The following ZNF362 variants were observed in gnomAD, a reference collection of about 807,000 sequenced individuals.
The protein encoded by ZNF362 is rotund homolog.
Under a neutral mutation model 42.9 loss-of-function variants are expected in ZNF362, and 11 were observed. The ratio of observed to expected loss-of-function variants is 0.26; its 90% CI spans 0.16 to 0.42. The LOEUF is 0.42. Among genes scored for constraint, ZNF362 ranks in the 20% least tolerant of loss-of-function variants. The pLI is 1.00. For missense variants in ZNF362, 362 were observed against 576.2 expected, an observed-to-expected ratio of 0.63 and a Z score of 3.81; for synonymous variants, 255 against 257.3, an observed-to-expected ratio of 0.99 and a Z score of 0.09.
chr1:33,183,094 TA>T, the ZNF362 span, among the ~76,000 whole-genome samples: 3 of 152,134 alleles, frequency 2.0e-5, no homozygotes, highest in African/African-American at 7.2e-5. Flanking sequence ...TGGGCACCCC[TA>T]AGGTGCTGTT....
the ZNF362 span, among the ~76,000 whole-genome samples, chr1:33,232,693 G>A: frequency 6.6e-6 from 1 of 152,212 alleles, no homozygotes; most frequent in Non-Finnish European, 1.5e-5. Flanking sequence ...ACATCATTAA[G>A]CCACCGAATT....
chr1:33,141,837 A>T, the ZNF362 span: 5 of 153,788 alleles, frequency 3.3e-5, no homozygotes, highest in Non-Finnish European at 4.0e-5. Context: ...CCTGGAACTT[A>T]AAAAAAAATA....
rs945998350 is a variant in ZNF362, at chr1:33,294,893, G to A, written c.909-44G>A. On this transcript the variant is annotated intron_variant, in intron 6 of 8. Transcript: ENST00000539719. This position sits in a 1 kb window ranked among gnomAD's most constrained non-coding sequence, Gnocchi z 4.2. Reference sequence around the variant, plus strand: ...GACTTGGGAACTGGAGCGGTCTTGGGGTGTGTGTCAGGGACTTCGACCTTA... The same window carrying A: ...GACTTGGGAACTGGAGCGGTCTTGGAGTGTGTGTCAGGGACTTCGACCTTA... 1 of 1,609,352 alleles carries A rather than the reference G, an allele frequency of 6.2e-7. No homozygotes were observed. The highest frequency in any genetic ancestry group is 1.3e-5 in the African/African-American group (1 of 74,884).
intron 1 of ZNF362, among the ~76,000 whole-genome samples, chr1:33,269,001 G>A (rs2148076786): frequency 6.6e-6 from 1 of 152,262 alleles, no homozygotes. Context: ...TCAGGGCAGG[G>A]GAGGTGGTGC....
At chr1:33,223,709 A>G in the ZNF362 span, among the ~76,000 whole-genome samples, 1 of 152,122 alleles carries the variant, frequency 6.6e-6, no homozygotes. Context: ...CCTGGGCAAC[A>G]TGGTGAAACC....
At chr1:33,225,912 A>G in the ZNF362 span, among the ~76,000 whole-genome samples, 1 of 152,154 alleles carries the variant, frequency 6.6e-6, no homozygotes, top group Admixed American at 6.6e-5. Context: ...TAAGACACCC[A>G]TTTACTGCAG....
At chr1:33,236,341 A>G in the ZNF362 span, among the ~76,000 whole-genome samples, 4 of 150,924 alleles carry the variant, frequency 2.7e-5, no homozygotes, top group South Asian at 2.1e-4. Context: ...GGAGTTTGAG[A>G]CCAGCCAGGA....
chr1:33,206,025 G>A, the ZNF362 span, among the ~76,000 whole-genome samples: 1 of 152,050 alleles, frequency 6.6e-6, no homozygotes, highest in African/African-American at 2.4e-5. Flanking sequence ...ACAAAGATGT[G>A]CAGGCCATTC....
chr1:33,282,225 C>G (rs1036181372), intron 6 of ZNF362, among the ~76,000 whole-genome samples: 6 of 152,198 alleles, frequency 3.9e-5, no homozygotes, highest in Admixed American at 2.0e-4. Context: ...TTTATCTGCC[C>G]ACCTCACTCA....
chr1:33,134,870 T>C, the ZNF362 span, among the ~76,000 whole-genome samples: 5 of 152,148 alleles, frequency 3.3e-5, no homozygotes, highest in Non-Finnish European at 5.9e-5. Flanking sequence ...GTCTTCTACT[T>C]CCTCTTCCAT....
the ZNF362 span, among the ~76,000 whole-genome samples, chr1:33,213,769 C>T: frequency 3.3e-5 from 5 of 151,968 alleles, no homozygotes; most frequent in African/African-American, 9.7e-5. Context: ...CGCTTGAACC[C>T]GGGAGGCAAA....
rs369749666 is a variant in ZNF362, at chr1:33,276,395, C to T, written c.150C>T (p.Ala50=). The T allele has an allele frequency of 2.9e-5, 46 of 1,578,142 alleles. No homozygotes were observed. Among genetic ancestry groups the T allele is most frequent in the Middle Eastern group, 1.7e-4 (1 of 6,036 alleles). Residue 50 remains alanine (A), a synonymous_variant, in exon 4 of 9, where the codon GCC becomes GCT. Transcript: ENST00000539719. ...ACAAGATCAAGGAGCAGCTGATGGCCGAGAAGATCAGGCCGCCTCACCTGC... is the reference window on the plus strand; with the variant it reads ...ACAAGATCAAGGAGCAGCTGATGGCTGAGAAGATCAGGCCGCCTCACCTGC... The part of the protein sequence containing the change: ...LINKIKEQLM[A]EKIRPPHLPP...
At chr1:33,292,751 T>G (rs1646088476) in intron 6 of ZNF362, among the ~76,000 whole-genome samples, 1 of 152,082 alleles carries the variant, frequency 6.6e-6, no homozygotes, top group Admixed American at 6.5e-5. Flanking sequence ...TGGGGACCCT[T>G]AAGGATTAGG....
chr1:33,273,738 C>T (rs74069233), intron 2 of ZNF362, among the ~76,000 whole-genome samples: 8,059 of 152,238 alleles, frequency 0.053, 319 homozygotes, highest in African/African-American at 0.11. Flanking sequence ...TTTCTTCCTC[C>T]GTGAAATCAG....
intron 8 of ZNF362, among the ~76,000 whole-genome samples, chr1:33,296,562 G>A (rs1299795311): frequency 6.6e-6 from 1 of 152,194 alleles, no homozygotes; most frequent in African/African-American, 2.4e-5. Flanking sequence ...AGCTGGGAAG[G>A]GGGATGAGTC....
At chr1:33,155,368 G>T in the ZNF362 span, among the ~76,000 whole-genome samples, 1 of 152,042 alleles carries the variant, frequency 6.6e-6, no homozygotes, top group African/African-American at 2.4e-5. Context: ...ACCATGCCCG[G>T]CCTCCCCTGA....
Position 33,280,510 on chromosome 1 carries a change from C to G in ZNF362, c.683+53C>G, listed in dbSNP as rs1570399481. ...AGTGGGCTTGGGGCTGGGGCTTGAGCCAGGGCTGCTCCAGGAGCCCAGCAG... is the reference window on the plus strand; with the variant it reads ...AGTGGGCTTGGGGCTGGGGCTTGAGGCAGGGCTGCTCCAGGAGCCCAGCAG... On this transcript the variant is annotated intron_variant, in intron 5 of 8. Coordinates refer to ENST00000539719, the MANE Select transcript of ZNF362 (RefSeq NM_152493.3). This position sits in a 1 kb window ranked among gnomAD's most constrained non-coding sequence, Gnocchi z 5.6. The G allele has an allele frequency of 4.7e-6, 7 of 1,489,354 alleles. No homozygotes were observed. The highest frequency in any genetic ancestry group is 5.4e-6 in the Non-Finnish European group (6 of 1,113,470). 92.3% of individuals were successfully genotyped at this position (1,489,354 alleles called of 1,614,324 possible).
chr1:33,136,164 TTCCTTCCTTCCC>T, the ZNF362 span, among the ~76,000 whole-genome samples: 1 of 142,450 alleles, frequency 7.0e-6, no homozygotes, highest in Non-Finnish European at 1.6e-5. Context: ...CCTTCCTTCC[TTCCTTCCTTCCC>T]TCCCTCTCTC....
chr1:33,142,065 C>T, the ZNF362 span: 1 of 152,232 alleles, frequency 6.6e-6, no homozygotes, highest in Non-Finnish European at 1.5e-5. Flanking sequence ...ATAACCGTGT[C>T]CTGATGGGCA....
Sources: gnomAD v4.1 joint callset for allele counts (sites outside exome capture counted in the v4.1 genomes callset) on GRCh38, gnomAD v4.1.1 for gene constraint, Gnocchi (gnomAD v3.1) non-coding constraint, MANE v1.5 for transcripts, NCBI Gene and HGNC (gene_info 2026-07-23, HGNC 2026-07-21) for gene names.